Variants in FHIT observed in about 807,000 individuals in gnomAD.
The protein encoded by FHIT is bis(5'-adenosyl)-triphosphatase.
A neutral mutation model predicts 17.9 loss-of-function variants in FHIT; 19 were observed. The observed-to-expected ratio is 1.06, with a 90% confidence interval of 0.74 to 1.56. FHIT has a LOEUF of 1.56. Among genes scored for constraint, FHIT ranks in the 40% most tolerant of loss-of-function variants. The probability of loss-of-function intolerance (pLI) is 0.00; values close to 1 mark genes in which losing one functional copy is unlikely to be tolerated. For missense variants in FHIT, 248 were observed against 189.2 expected, an observed-to-expected ratio of 1.31 and a Z score of -1.82; for synonymous variants, 81 against 69.7, an observed-to-expected ratio of 1.16 and a Z score of -0.81.
At chr3:61,220,012 C>A (rs1317652720) in intron 1 of FHIT, among the ~76,000 whole-genome samples, 3 of 151,986 alleles carry the variant, frequency 2.0e-5, no homozygotes, top group Non-Finnish European at 4.4e-5. Flanking sequence ...CATTCTGCAG[C>A]CCTCACCTGA....
In FHIT at chr3:60,016,093, G is replaced by A. The variant is rs530170894; in HGVS notation, c.104-1941C>T. Among the ~76,000 whole-genome samples the A allele has an allele frequency of 2.6e-5, 4 of 152,240 alleles. No homozygotes were observed. The South Asian group carries it at 8.3e-4, about 32-fold the overall frequency. On this transcript the variant is annotated intron_variant, in intron 5 of 9. Coordinates refer to ENST00000492590, the MANE Select transcript of FHIT (RefSeq NM_002012.4). Reference sequence around the variant, plus strand: ...TTCCATATTATACATAGGCTATGAAGACACATTTACTTCTGGATCCTGTTT... The same window carrying A: ...TTCCATATTATACATAGGCTATGAAAACACATTTACTTCTGGATCCTGTTT...
intron 2 of FHIT, among the ~76,000 whole-genome samples, chr3:61,163,835 C>T (rs1275658704): frequency 6.6e-6 from 1 of 152,166 alleles, no homozygotes; most frequent in Non-Finnish European, 1.5e-5. Flanking sequence ...TTCTCCATGT[C>T]ACATAAAACT....
intron 3 of FHIT, among the ~76,000 whole-genome samples, chr3:60,852,686 G>A (rs1703201466): frequency 6.6e-6 from 1 of 151,922 alleles, no homozygotes; most frequent in South Asian, 2.1e-4. Flanking sequence ...AGAATAAACT[G>A]AAAAGAGTAG....
chr3:59,802,668 A>G (rs962515653), intron 8 of FHIT, among the ~76,000 whole-genome samples: 4 of 152,104 alleles, frequency 2.6e-5, no homozygotes, highest in South Asian at 2.1e-4. Context: ...GCCTGCACCC[A>G]GGTGATTAAA....
chr3:59,992,489 A>C (rs938407566), intron 7 of FHIT, among the ~76,000 whole-genome samples: 1 of 152,126 alleles, frequency 6.6e-6, no homozygotes, highest in Non-Finnish European at 1.5e-5. Flanking sequence ...TTAGAAGCGT[A>C]TACCAACAAC....
At chr3:59,956,237 G>A (rs1707389692) in intron 7 of FHIT, among the ~76,000 whole-genome samples, 1 of 152,114 alleles carries the variant, frequency 6.6e-6, no homozygotes, top group South Asian at 2.1e-4. Flanking sequence ...ACAGGGGCTG[G>A]GTGACTAAAG....
chr3:60,425,883 T>C (rs953528312), intron 5 of FHIT, among the ~76,000 whole-genome samples: 1 of 152,076 alleles, frequency 6.6e-6, no homozygotes. Flanking sequence ...CCATATAAGA[T>C]GCCATGAAGA....
intron 4 of FHIT, among the ~76,000 whole-genome samples, chr3:60,789,187 G>C (rs1024702059): frequency 2.0e-5 from 3 of 151,144 alleles, no homozygotes; most frequent in Non-Finnish European, 4.4e-5. Flanking sequence ...GAGAGAGAGA[G>C]AGAGAGAGAG....
rs565913057 is a variant in FHIT at position 60,443,458 on chromosome 3, A to G, written c.103+93402T>C. 3.3e-5 allele frequency among the ~76,000 whole-genome samples: 5 copies of G among 152,204 alleles called. No individual in the cohort carries two copies. The South Asian group carries it at 1.0e-3, about 32-fold the overall frequency. On this transcript the variant is annotated intron_variant, in intron 5 of 9. Coordinates refer to ENST00000492590, the MANE Select transcript of FHIT (RefSeq NM_002012.4). ...TTGAGATACATCCCATCAATACCTAATTTATTGAGAGTTTTTAGCATGAAG... is the reference window on the plus strand; with the variant it reads ...TTGAGATACATCCCATCAATACCTAGTTTATTGAGAGTTTTTAGCATGAAG...
rs115934752 is a variant in FHIT, at chr3:61,071,405, C to T, written c.-163-29306G>A. Among the ~76,000 whole-genome samples the T allele has an allele frequency of 7.8e-3, 1,162 of 148,086 alleles. 15 individuals carry two copies. Among genetic ancestry groups the T allele is most frequent in the African/African-American group, 0.03 (1,127 of 37,582 alleles). On this transcript the variant is annotated intron_variant, in intron 2 of 9. Coordinates refer to ENST00000492590, the MANE Select transcript of FHIT (RefSeq NM_002012.4). ...GACCCATTATTTCAAAGACTGTATC[C>T]TGATCCTGATGAAATAATAAAAGAT...
At chr3:61,181,537 T>C (rs1316716741) in intron 2 of FHIT, among the ~76,000 whole-genome samples, 1 of 152,176 alleles carries the variant, frequency 6.6e-6, no homozygotes, top group Admixed American at 6.5e-5. Context: ...GGATGTCACC[T>C]GGCCTGTCAT....
At chr3:60,130,041 A>C (rs1215695382) in intron 5 of FHIT, among the ~76,000 whole-genome samples, 4 of 152,108 alleles carry the variant, frequency 2.6e-5, no homozygotes, top group African/African-American at 9.7e-5. Context: ...TCACAGTCTA[A>C]GCATTTTGGT....
At position 60,201,750 on chromosome 3, in the gene FHIT, G is replaced by A. The variant is rs146543992; in HGVS notation, c.104-187598C>T. Among the ~76,000 whole-genome samples the A allele has an allele frequency of 4.0e-5, 6 of 151,684 alleles. No homozygotes were observed. In the East Asian group the frequency reaches 1.2e-3, roughly 29 times the overall value. On this transcript the variant is annotated intron_variant, in intron 5 of 9. Transcript: ENST00000492590. ...TTTAAACAGTCAATACTAATAAATA[G>A]CTGAGTTCATCTAAAATATATTGGA...
intron 5 of FHIT, among the ~76,000 whole-genome samples, chr3:60,440,470 A>G (rs1273466266): frequency 2.0e-5 from 3 of 152,090 alleles, no homozygotes; most frequent in Non-Finnish European, 4.4e-5. Flanking sequence ...GAGGCCACCA[A>G]TTGAGGTATA....
chr3:60,188,230 C>CATT (rs1169880372), intron 5 of FHIT, among the ~76,000 whole-genome samples: 29 of 97,618 alleles, frequency 3.0e-4, no homozygotes, highest in African/African-American at 9.2e-4. Flanking sequence ...TTTTTTTTAC[C>CATT]ATTATTACAT....
intron 5 of FHIT, among the ~76,000 whole-genome samples, chr3:60,184,912 T>G (rs1337817194): frequency 1.3e-5 from 2 of 152,224 alleles, no homozygotes; most frequent in Non-Finnish European, 2.9e-5. Context: ...TCTTTGGCGC[T>G]TGGGAACTCC....
At chr3:61,156,540 T>C (rs530415364) in intron 2 of FHIT, among the ~76,000 whole-genome samples, 1 of 152,086 alleles carries the variant, frequency 6.6e-6, no homozygotes, top group East Asian at 1.9e-4. Context: ...TCTGTTTGGT[T>C]TGCCATGTAT....
chr3:61,240,099 C>T (rs2040337705), intron 1 of FHIT, among the ~76,000 whole-genome samples: 1 of 152,028 alleles, frequency 6.6e-6, no homozygotes, highest in South Asian at 2.1e-4. Flanking sequence ...TAGAGGAAGC[C>T]TTAGTTTAGA....
At chr3:61,172,271 A>AT (rs1056503080) in intron 2 of FHIT, among the ~76,000 whole-genome samples, 4 of 152,330 alleles carry the variant, frequency 2.6e-5, no homozygotes, top group African/African-American at 9.6e-5. Flanking sequence ...TAACAAGGTC[A>AT]TTTTTCATGT....
Sources: gnomAD v4.1 joint callset for allele counts (sites outside exome capture counted in the v4.1 genomes callset) on GRCh38, gnomAD v4.1.1 for gene constraint, MANE v1.5 for transcripts, NCBI Gene and HGNC (gene_info 2026-07-23, HGNC 2026-07-21) for gene names.